ANKRD31: variants seen among roughly 807,000 people sequenced by gnomAD.
ANKRD31 encodes ankyrin repeat domain-containing protein 31.
A neutral mutation model predicts 186.0 loss-of-function variants in ANKRD31; 147 were observed. That is an observed-to-expected ratio of 0.79 (90% CI 0.69 to 0.91). ANKRD31 has a LOEUF of 0.91. ANKRD31 is among the 40% of genes least tolerant of loss of function. The pLI is 0.00. For synonymous variants in ANKRD31, 673 were observed against 736.4 expected, an observed-to-expected ratio of 0.91 and a Z score of 1.39; for missense variants, 1,986 against 2,148.8, an observed-to-expected ratio of 0.92 and a Z score of 1.50.
chr5:75,124,410 A>G (rs1208659599), intron 17 of ANKRD31, among the ~76,000 whole-genome samples: 1 of 152,188 alleles, frequency 6.6e-6, no homozygotes, highest in Admixed American at 6.6e-5. Context: ...CTGCCTTTCA[A>G]TCCAGCAATC....
chr5:75,222,117 A>T lies in ANKRD31; in HGVS notation c.288+132T>A, dbSNP rs78866735. ...GAAATAGAATGACTAGTTAAGAAAG[A>T]GGTAAAAATTAATAAGAAAAGAGGA... On this transcript the variant is annotated intron_variant, in intron 3 of 25. Coordinates refer to ENST00000506364, the MANE Select transcript of ANKRD31 (RefSeq NM_001372053.1). 1,849 of 583,960 alleles carry T rather than the reference A, an allele frequency of 3.2e-3. 50 individuals are homozygous for T. In the East Asian group the frequency reaches 0.052, roughly 16 times the overall value. 36.2% of individuals were successfully genotyped at this position (583,960 alleles called of 1,614,324 possible). A position where few individuals can be genotyped will look rare whatever the true frequency, so the allele number is the denominator to read the frequency against.
chr5:75,140,595 G>C (rs1207248609), intron 15 of ANKRD31, among the ~76,000 whole-genome samples: 3 of 152,146 alleles, frequency 2.0e-5, no homozygotes, highest in Non-Finnish European at 4.4e-5. Context: ...CTAACCAATA[G>C]AATATTTCCA....
chr5:75,119,440 T>A (rs1280321230), intron 17 of ANKRD31, among the ~76,000 whole-genome samples: 2 of 152,234 alleles, frequency 1.3e-5, no homozygotes, highest in Non-Finnish European at 2.9e-5. Flanking sequence ...ATTTTTTGTT[T>A]ATGGCTGCAT....
chr5:75,128,632 T>C (rs1749457210), intron 17 of ANKRD31, among the ~76,000 whole-genome samples: 1 of 151,388 alleles, frequency 6.6e-6, no homozygotes. Flanking sequence ...GCCTCCCAAG[T>C]AGCTGAGACT....
chr5:75,221,408 C>A (rs1044937662), intron 3 of ANKRD31, among the ~76,000 whole-genome samples: 1 of 152,144 alleles, frequency 6.6e-6, no homozygotes, highest in African/African-American at 2.4e-5. Flanking sequence ...CATAAGACAA[C>A]GGAAGTGTCT....
intron 5 of ANKRD31, among the ~76,000 whole-genome samples, chr5:75,203,025 C>T (rs1755915638): frequency 6.6e-6 from 1 of 152,170 alleles, no homozygotes; most frequent in African/African-American, 2.4e-5. Context: ...TAGCCAATTG[C>T]CACTTCAAAT....
intron 10 of ANKRD31, among the ~76,000 whole-genome samples, chr5:75,186,429 A>C (rs1754717052): frequency 6.6e-6 from 1 of 152,286 alleles, no homozygotes; most frequent in Non-Finnish European, 1.5e-5. Context: ...TTTGTCTCTC[A>C]TATTTTATGT....
At chr5:75,232,555 A>G (rs940477961) in intron 1 of ANKRD31, among the ~76,000 whole-genome samples, 3 of 113,802 alleles carry the variant, frequency 2.6e-5, no homozygotes. Flanking sequence ...CACCCAACCA[A>G]ATTTTGTGTG....
chr5:75,106,350 TA>T (rs773722047), intron 21 of ANKRD31, among the ~76,000 whole-genome samples: 2 of 152,120 alleles, frequency 1.3e-5, no homozygotes, highest in Non-Finnish European at 2.9e-5. Flanking sequence ...AATATAGATA[TA>T]TCTTGCCTCT....
intron 5 of ANKRD31, among the ~76,000 whole-genome samples, chr5:75,205,852 C>G (rs1756144745): frequency 2.0e-5 from 3 of 152,036 alleles, no homozygotes; most frequent in Admixed American, 2.0e-4. Flanking sequence ...AGACAGCTAT[C>G]CTCTAATACA....
chr5:75,137,786 A>T, intron 17 of ANKRD31, 70 bp downstream of exon 17: 1 of 1,291,426 alleles, frequency 7.7e-7, no homozygotes, highest in Non-Finnish European at 9.9e-7. Flanking sequence ...TCTCAGTTTA[A>T]AAAATCTTCA....
intron 1 of ANKRD31, among the ~76,000 whole-genome samples, chr5:75,232,565 G>GT (rs61040569): frequency 5.9e-4 from 88 of 148,690 alleles, no homozygotes; most frequent in Admixed American, 1.1e-3. Context: ...AATTTTGTGT[G>GT]TTTTTTTTTT....
intron 25 of ANKRD31, among the ~76,000 whole-genome samples, chr5:75,073,405 T>G (rs572134883): frequency 6.6e-6 from 1 of 152,120 alleles, no homozygotes; most frequent in Admixed American, 6.5e-5. Context: ...TAAGAAATCA[T>G]CACTATGTTG....
At chr5:75,086,573 G>A (rs1050447370) in intron 23 of ANKRD31, among the ~76,000 whole-genome samples, 2 of 152,210 alleles carry the variant, frequency 1.3e-5, no homozygotes, top group Non-Finnish European at 2.9e-5. Flanking sequence ...ATAGCCTCCA[G>A]TGATCTCAGC....
chr5:75,205,443 T>C (rs943836430), intron 5 of ANKRD31, among the ~76,000 whole-genome samples: 1 of 152,192 alleles, frequency 6.6e-6, no homozygotes, highest in African/African-American at 2.4e-5. Context: ...AATTGTATGT[T>C]CAGGCTCATC....
At chr5:75,182,525 C>T (rs750769178) in intron 10 of ANKRD31, among the ~76,000 whole-genome samples, 3 of 152,028 alleles carry the variant, frequency 2.0e-5, no homozygotes, top group African/African-American at 7.2e-5. Context: ...TCAAGACCAG[C>T]CTGGCCAACA....
At chr5:75,189,500 C>T (rs1389721179) in intron 9 of ANKRD31, among the ~76,000 whole-genome samples, 1 of 152,192 alleles carries the variant, frequency 6.6e-6, no homozygotes, top group Non-Finnish European at 1.5e-5. Context: ...TGCCGTTTGA[C>T]TCCCTTGATT....
At chr5:75,186,360 G>A (rs1180856240) in intron 10 of ANKRD31, among the ~76,000 whole-genome samples, 2 of 152,142 alleles carry the variant, frequency 1.3e-5, no homozygotes, top group East Asian at 1.9e-4. Flanking sequence ...TGTAGCCACC[G>A]TTAACACTCA....
chr5:75,198,944 A>T (rs1256138530), intron 6 of ANKRD31, among the ~76,000 whole-genome samples: 1 of 152,160 alleles, frequency 6.6e-6, no homozygotes, highest in African/African-American at 2.4e-5. Context: ...TCCTGATTTG[A>T]GCAAAAGCAT....
Sources: allele counts gnomAD v4.1 joint callset (sites outside exome capture counted in the v4.1 genomes callset), GRCh38; gene constraint gnomAD v4.1.1; transcripts MANE v1.5; gene names NCBI Gene and HGNC (gene_info 2026-07-23, HGNC 2026-07-21).